The following EXTL1 variants were observed in gnomAD, a reference collection of about 807,000 sequenced individuals.
The protein encoded by EXTL1 is exostosin like glycosyltransferase 1.
EXTL1 carries 43 observed loss-of-function variants against 64.6 expected under a neutral mutation model. The observed-to-expected ratio is 0.67, with a 90% CI of 0.52 to 0.86. The LOEUF is 0.86. Ranked by LOEUF, EXTL1 falls within the 40% of genes least tolerant of loss-of-function variation. The pLI is 0.00. For missense variants in EXTL1, 766 were observed against 879.0 expected (o/e 0.87, Z 1.62); for synonymous variants, 352 against 360.5 (o/e 0.98, Z 0.27).
Position 26,033,545 on chromosome 1 carries a change from C to T in EXTL1, c.1519-151C>T. 1 of 826,484 alleles carries T rather than the reference C, an allele frequency of 1.2e-6. No individual in the cohort carries two copies. The highest frequency in any genetic ancestry group is 2.0e-6 in the Non-Finnish European group (1 of 505,574). The allele number at this position is 826,484 out of a possible 1,614,324, so 51.2% of individuals were successfully genotyped here. A position where few individuals can be genotyped will look rare whatever the true frequency, so the allele number is the denominator to read the frequency against. On this transcript the variant is annotated intron_variant, in intron 8 of 10. Transcript: ENST00000374280. This position sits in a 1 kb window ranked among gnomAD's most constrained non-coding sequence, Gnocchi z 5.1. ...GTGGCCCCTGGAAGCTTTCATGCCA[C>T]ACTTCCAGCCAATTCCAAGTCTTGG...
chr1:26,031,623 C>T, intron 6 of EXTL1, 57 bp downstream of exon 6: 2 of 1,113,846 alleles, frequency 1.8e-6, no homozygotes, highest in Non-Finnish European at 2.5e-6. Flanking sequence ...AGGGACAGGG[C>T]AGGGCCCTGA....
Position 26,031,265 on chromosome 1 carries a change from G to A in EXTL1, c.1234+1G>A, listed in dbSNP as rs547721097. 9.3e-6 allele frequency: 15 copies of A among 1,613,322 alleles called. No homozygotes were observed. The highest frequency in any genetic ancestry group is 1.2e-5 in the Non-Finnish European group (14 of 1,179,684). ...TTCCCCTTCTACTACCTGCAACAGG[G>A]TATGCCCTGGGGATGGGACAACCTG... On this transcript the variant is annotated splice_donor_variant, in intron 5 of 10. Coordinates refer to ENST00000374280, the MANE Select transcript of EXTL1 (RefSeq NM_004455.3). LOFTEE classifies it high-confidence loss of function.
chr1:26,033,823 C>T lies in EXTL1; in HGVS notation c.1646C>T (p.Ser549Phe). 6.2e-7 allele frequency: 1 copy of T among 1,614,120 alleles called. No homozygotes were observed. The highest frequency in any genetic ancestry group is 8.5e-7 in the Non-Finnish European group (1 of 1,179,998). ...ACTGCTGAGAGGACCAACGAATTCT[C>T]CATGGTTCTCACCACAGCCGCCTTC... is the stretch of plus-strand genomic sequence containing the variant. ...GYTAERTNEF[S>F]MVLTTAAFYH... Residue 549 changes from serine to phenylalanine, a missense_variant, in exon 9 of 11, where the codon TCC (serine) becomes TTC (phenylalanine). Coordinates refer to ENST00000374280, the MANE Select transcript of EXTL1 (RefSeq NM_004455.3). The surrounding 1 kb of genome is among the most constrained non-coding windows in gnomAD (Gnocchi z 5.1).
rs2050210296 is a variant in EXTL1 at position 26,025,899 on chromosome 1, C to T, written c.779+2474C>T. 6.6e-6 allele frequency among the ~76,000 whole-genome samples: 1 copy of T among 152,142 alleles called. No homozygotes were observed. Among genetic ancestry groups the T allele is most frequent in the Non-Finnish European group, 1.5e-5 (1 of 68,028 alleles). On this transcript the variant is annotated intron_variant, in intron 1 of 10. Transcript: ENST00000374280. This position sits in a 1 kb window ranked among gnomAD's most constrained non-coding sequence, Gnocchi z 5.3. Reference sequence around the variant, plus strand: ...TCCCCCAGGCTGTATCCATTGGGAACAAGGGGCACAGTCAGTACCTAGGGC... The same window carrying T: ...TCCCCCAGGCTGTATCCATTGGGAATAAGGGGCACAGTCAGTACCTAGGGC...
In EXTL1 at chr1:26,029,302, G is replaced by A. The variant is rs753681273; in HGVS notation, c.873+16G>A. On this transcript the variant is annotated intron_variant, in intron 2 of 10. Transcript: ENST00000374280. ...AGCCCTGCAGGTACAACCCCAATTT[G>A]AGCATCACCCATCCTCTGTCCCCCA... The A allele has an allele frequency of 1.2e-5, 20 of 1,601,396 alleles. No homozygotes were observed. Among genetic ancestry groups the A allele is most frequent in the South Asian group, 2.2e-5 (2 of 90,806 alleles).
chr1:26,031,031 G>A (rs768319759), intron 4 of EXTL1, 101 bp from the exon 5 acceptor site: 1 of 1,453,228 alleles, frequency 6.9e-7, no homozygotes, highest in East Asian at 2.3e-5. Flanking sequence ...TGACCCCAGG[G>A]GTCTGGTGAT....
Position 26,033,802 on chromosome 1 carries a change from C to A in EXTL1, c.1625C>A (p.Ala542Asp). The change falls in exon 9 of 11, where the codon GCT becomes GAT. Residue 542 changes from alanine to aspartate, a missense_variant. By Grantham distance (126) the Ala-to-Asp change is moderately radical. Transcript: ENST00000374280. This position sits in a 1 kb window ranked among gnomAD's most constrained non-coding sequence, Gnocchi z 5.1. ...GCCCATGGTGGCTGGGGCTACACTG[C>A]TGAGAGGACCAACGAATTCTCCATG... ...DEAHGGWGYT[A>D]ERTNEFSMVL... The A allele has an allele frequency of 9.3e-6, 15 of 1,614,110 alleles. No homozygotes were observed. The highest frequency in any genetic ancestry group is 1.2e-5 in the Non-Finnish European group (14 of 1,179,968).
At chr1:26,028,827 C>T (rs1245978614) in intron 1 of EXTL1, among the ~76,000 whole-genome samples, 2 of 152,184 alleles carry the variant, frequency 1.3e-5, no homozygotes, top group African/African-American at 4.8e-5. Flanking sequence ...TGGGGGAGGG[C>T]AGACGTGCAT....
chr1:26,029,439 C>A (rs978118853), intron 2 of EXTL1, among the ~76,000 whole-genome samples, 153 bp downstream of exon 2: 5 of 152,136 alleles, frequency 3.3e-5, no homozygotes, highest in Non-Finnish European at 7.4e-5. Flanking sequence ...TTCACTGCAC[C>A]CTCTGCAGAA....
Position 26,033,866 on chromosome 1 carries a change from C to T in EXTL1, c.1679+10C>T, listed in dbSNP as rs1200154154. ...CCGCCTTCTACCATAGGTACAGACCCCTACCCTGCACAGGGATCAGAGTAT... is the reference window on the plus strand; with the variant it reads ...CCGCCTTCTACCATAGGTACAGACCTCTACCCTGCACAGGGATCAGAGTAT... On this transcript the variant is annotated intron_variant, in intron 9 of 10. Transcript: ENST00000374280. The surrounding 1 kb of genome is among the most constrained non-coding windows in gnomAD (Gnocchi z 5.1). The T allele has an allele frequency of 6.2e-7, 1 of 1,609,288 alleles. No individual in the cohort carries two copies. The highest frequency in any genetic ancestry group is 8.5e-7 in the Non-Finnish European group (1 of 1,177,218).
rs780807299 is a variant in EXTL1 at position 26,029,625 on chromosome 1, G to GC, written c.904dup (p.Arg302ProfsTer20). ...GCCGGCTGCATCCCAGTGCTTCTCAGCCCCCGCTGGGAGCTGCCCTTCTCC... is the reference window on the plus strand; with the variant it reads ...GCCGGCTGCATCCCAGTGCTTCTCAGCCCCCCGCTGGGAGCTGCCCTTCTCC... On this transcript the variant is annotated frameshift_variant, in exon 3 of 11. Coordinates refer to ENST00000374280, the MANE Select transcript of EXTL1 (RefSeq NM_004455.3). LOFTEE classifies it high-confidence loss of function. The GC allele has an allele frequency of 1.2e-6, 2 of 1,610,458 alleles. No individual in the cohort carries two copies. The highest frequency in any genetic ancestry group is 1.7e-6 in the Non-Finnish European group (2 of 1,179,206).
chr1:26,022,249 G>A lies in EXTL1; in HGVS notation c.-398G>A. 1 of 170,676 alleles carries A rather than the reference G, an allele frequency of 5.9e-6. No individual in the cohort carries two copies. The allele number at this position is 170,676 out of a possible 1,614,324, so 10.6% of individuals were successfully genotyped here. On this transcript the variant is annotated 5_prime_UTR_variant, in exon 1 of 11. Transcript: ENST00000374280. The stretch of plus-strand genomic sequence containing the variant: ...GCAGACAGCCCTCCTCTCAGTTGAG[G>A]GCAAGGTCAAGGGGTGCAGCCAGGA...
chr1:26,031,655 G>A, intron 6 of EXTL1, 89 bp downstream of exon 6: 1 of 694,208 alleles, frequency 1.4e-6, no homozygotes, highest in Non-Finnish European at 2.2e-6. Context: ...CCCCAAAGAT[G>A]ACCACTATTT....
rs974360638 is a variant in EXTL1 at position 26,022,406 on chromosome 1, G to A, written c.-241G>A. On this transcript the variant is annotated 5_prime_UTR_variant, in exon 1 of 11. Transcript: ENST00000374280. ...AAAGGCCGAGAAGGCAGAGTCCTGA[G>A]AGCAGGGGGGCCAGGCCAGCAAGCT... is the stretch of plus-strand genomic sequence containing the variant. The A allele has an allele frequency of 4.1e-6, 2 of 490,102 alleles. No homozygotes were observed. The highest frequency in any genetic ancestry group is 4.0e-5 in the African/African-American group (2 of 50,216). The allele number at this position is 490,102 out of a possible 1,614,324, so 30.4% of individuals were successfully genotyped here. A position where few individuals can be genotyped will look rare whatever the true frequency, so the allele number is the denominator to read the frequency against.
chr1:26,032,833 C>A (rs1021564679), intron 7 of EXTL1, among the ~76,000 whole-genome samples: 2 of 152,304 alleles, frequency 1.3e-5, no homozygotes, highest in Non-Finnish European at 1.5e-5. Flanking sequence ...TGGTGTGAAC[C>A]ACCTGCCTGC....
At chr1:26,027,689 T>TAAAAAAAAAAAAAAAAAA (rs61364586) in intron 1 of EXTL1, among the ~76,000 whole-genome samples, 1 of 57,098 alleles carries the variant, frequency 1.8e-5, no homozygotes, top group Non-Finnish European at 3.8e-5. Context: ...ACCCCATCTC[T>TAAAAAAAAAAAAAAAAAA]AAAAAAAAAA....
At position 26,034,977 on chromosome 1, in the gene EXTL1, C is replaced by T; in HGVS notation, c.1821C>T (p.Gly607=). 1 of 1,614,198 alleles carries T rather than the reference C, an allele frequency of 6.2e-7. No homozygotes were observed. Among genetic ancestry groups the T allele is most frequent in the Non-Finnish European group, 8.5e-7 (1 of 1,180,028 alleles). ...TGCCCCCTATCAAGGTGCCCTATGG[C>T]AAGCAGCGCCAGGAGGCTGCTCCAC... is the stretch of plus-strand genomic sequence containing the variant. ...TKLPPIKVPY[G]KQRQEAAPLA... The change falls in exon 10 of 11, where the codon GGC becomes GGT. Residue 607 remains glycine (G), a synonymous_variant. Coordinates refer to ENST00000374280, the MANE Select transcript of EXTL1 (RefSeq NM_004455.3). The surrounding 1 kb of genome is among the most constrained non-coding windows in gnomAD (Gnocchi z 4.6).
At chr1:26,031,306 T>C in intron 5 of EXTL1, 42 bp downstream of exon 5, 4 of 1,600,016 alleles carry the variant, frequency 2.5e-6, no homozygotes, top group Non-Finnish European at 3.4e-6. Context: ...CCCTCAGCTC[T>C]ACCCAGGGCT....
In EXTL1 at chr1:26,029,198, A is replaced by T; in HGVS notation, c.785A>T (p.Gln262Leu). The T allele has an allele frequency of 6.2e-7, 1 of 1,613,354 alleles. No homozygotes were observed. Among genetic ancestry groups the T allele is most frequent in the Non-Finnish European group, 8.5e-7 (1 of 1,179,506 alleles). The stretch of plus-strand genomic sequence containing the variant: ...CTCCCCATGTGCCTCTTTAGGACCC[A>T]GCGCCAGGAGACGCTGCCCAATGCC... ...CEQDPGPGQT[Q>L]RQETLPNATF... is the part of the protein sequence containing the mutation. The change falls in exon 2 of 11, where the codon CAG becomes CTG. Residue 262 changes from glutamine to leucine, a missense_variant. Around this residue, in one of 3 missense-constraint regions of EXTL1, gnomAD observed 571 missense variants for 647.6 expected, o/e 0.88. Coordinates refer to ENST00000374280, the MANE Select transcript of EXTL1 (RefSeq NM_004455.3).
Sources: gnomAD v4.1 joint callset for allele counts (sites outside exome capture counted in the v4.1 genomes callset) on GRCh38, gnomAD v4.1.1 for gene constraint, gnomAD v4.1.1 regional missense constraint, Gnocchi (gnomAD v3.1) non-coding constraint, MANE v1.5 for transcripts, NCBI Gene and HGNC (gene_info 2026-07-23, HGNC 2026-07-21) for gene names.